RGS12: variants seen among roughly 807,000 people sequenced by gnomAD.
The protein encoded by RGS12 is regulator of G protein signaling 12, also known as regulator of G-protein signaling 12.
Under a neutral mutation model 120.1 loss-of-function variants are expected in RGS12, and 66 were observed. That is an observed-to-expected ratio of 0.55 (90% CI 0.45 to 0.67). The LOEUF is 0.67. RGS12 is among the 30% of genes least tolerant of loss of function. The pLI is 0.00. For synonymous variants in RGS12, 827 were observed against 804.7 expected (o/e 1.03, Z -0.47); for missense variants, 1,859 against 1,957.7 (o/e 0.95, Z 0.95).
chr4:3,300,026 G>T (rs1276771592), intron 1 of RGS12, among the ~76,000 whole-genome samples: 2 of 152,238 alleles, frequency 1.3e-5, no homozygotes, highest in African/African-American at 2.4e-5. Flanking sequence ...GCTGCAGTTT[G>T]TCTATAAAAT....
intron 4 of RGS12, among the ~76,000 whole-genome samples, chr4:3,411,448 G>A (rs1721723884): frequency 6.6e-6 from 1 of 152,268 alleles, no homozygotes; most frequent in African/African-American, 2.4e-5. Flanking sequence ...GTGTTCTCGT[G>A]TTAGGCTGGC....
Position 3,430,019 on chromosome 4 carries a change from G to A in RGS12, c.3566-388G>A, listed in dbSNP as rs950417818. Among the ~76,000 whole-genome samples the A allele has an allele frequency of 3.9e-5, 6 of 152,242 alleles. No individual in the cohort carries two copies. In the South Asian group the frequency reaches 8.3e-4, roughly 21 times the overall value. Reference sequence around the variant, plus strand: ...CGGGTGCTTCAGATGCTGACCAACCGGAGGAGGGGGCCAGTCCTCAGAGGG... The same window carrying A: ...CGGGTGCTTCAGATGCTGACCAACCAGAGGAGGGGGCCAGTCCTCAGAGGG... On this transcript the variant is annotated intron_variant, in intron 16 of 17. Transcript: ENST00000336727.
intron 2 of RGS12, chr4:3,342,618 C>T (rs1286144202): frequency 2.3e-6 from 3 of 1,314,178 alleles, no homozygotes; most frequent in Admixed American, 4.5e-5. Context: ...CACGTGATTT[C>T]ATTTGATCTG....
intron 1 of RGS12, among the ~76,000 whole-genome samples, chr4:3,305,527 A>T (rs1723925827): frequency 2.0e-5 from 3 of 152,144 alleles, no homozygotes. Context: ...TATTGACCTG[A>T]ACTAGAGAGA....
At chr4:3,291,828 C>G (rs2110338234), upstream of RGS12, among the ~76,000 whole-genome samples, 1 of 152,346 alleles carries the variant, frequency 6.6e-6, no homozygotes, top group South Asian at 2.1e-4. Flanking sequence ...CAATTCAGCA[C>G]CGCCCTGTGG....
intron 10 of RGS12, 92 bp from the exon 11 acceptor site, chr4:3,422,284 G>T: frequency 4.5e-6 from 6 of 1,336,090 alleles, no homozygotes; most frequent in Non-Finnish European, 5.1e-6. Flanking sequence ...TCCCCAGCAC[G>T]TGCGGCCTGG....
At chr4:3,381,715 C>T (rs918383419) in intron 3 of RGS12, among the ~76,000 whole-genome samples, 6 of 152,152 alleles carry the variant, frequency 3.9e-5, no homozygotes, top group Admixed American at 1.3e-4. Flanking sequence ...TCCCACAACA[C>T]GGGATTATTG....
At chr4:3,319,378 G>T (rs1725030395) in intron 2 of RGS12, among the ~76,000 whole-genome samples, 1 of 152,044 alleles carries the variant, frequency 6.6e-6, no homozygotes, top group Non-Finnish European at 1.5e-5. Context: ...TTTGATGTAT[G>T]TAAGCATAGA....
At chr4:3,343,360 C>T (rs1290071373) in intron 3 of RGS12, among the ~76,000 whole-genome samples, 1 of 152,192 alleles carries the variant, frequency 6.6e-6, no homozygotes, top group African/African-American at 2.4e-5. Context: ...CCTGTCATTG[C>T]CCCCTTAAAG....
At chr4:3,413,994 C>G in intron 4 of RGS12, 78 bp from the exon 5 acceptor site, 2 of 1,423,526 alleles carry the variant, frequency 1.4e-6, no homozygotes, top group Non-Finnish European at 1.9e-6. Flanking sequence ...GTCCCAGGGT[C>G]TCCTGTGGGC....
intron 3 of RGS12, among the ~76,000 whole-genome samples, chr4:3,345,006 T>C: frequency 6.6e-6 from 1 of 152,194 alleles, no homozygotes; most frequent in East Asian, 1.9e-4. Context: ...AAGAAAACGA[T>C]ATTTATTAAT....
At chr4:3,398,781 T>C (rs953988087) in intron 4 of RGS12, among the ~76,000 whole-genome samples, 2 of 150,168 alleles carry the variant, frequency 1.3e-5, no homozygotes, top group Admixed American at 6.6e-5. Context: ...AATGGAAAAA[T>C]GAGCAAATTA....
chr4:3,345,091 C>T (rs1421889805), intron 3 of RGS12, among the ~76,000 whole-genome samples: 1 of 152,104 alleles, frequency 6.6e-6, no homozygotes, highest in African/African-American at 2.4e-5. Context: ...TCAAGAAAGA[C>T]AGCAGTTTTT....
Position 3,316,576 on chromosome 4 carries a change from C to G in RGS12, c.406C>G (p.Arg136Gly). 1 of 1,614,096 alleles carries G rather than the reference C, an allele frequency of 6.2e-7. No homozygotes were observed. Among genetic ancestry groups the G allele is most frequent in the Non-Finnish European group, 8.5e-7 (1 of 1,180,028 alleles). ...SKALGINRAE[R>G]VVEEMQSGGI... The stretch of plus-strand genomic sequence containing the variant: ...AGCACTAGGTATAAACAGAGCAGAG[C>G]GAGTCGTGGAGGAAATGCAGTCTGG... Residue 136 changes from arginine to glycine, a missense_variant, in exon 2 of 18, where the codon CGA (arginine) becomes GGA (glycine). By Grantham distance (125) the Arg-to-Gly change is moderately radical (BLOSUM62 -2). This residue lies in a region of RGS12 where 967 missense variants were observed against 994.2 expected (regional missense o/e 0.97). Coordinates refer to ENST00000336727, the MANE Select transcript of RGS12 (RefSeq NM_001394154.1).
intron 1 of RGS12, among the ~76,000 whole-genome samples, chr4:3,305,144 C>T (rs901363364): frequency 6.6e-6 from 1 of 152,268 alleles, no homozygotes; most frequent in African/African-American, 2.4e-5. Context: ...CAGGCAGTGA[C>T]TTCCCTGAGA....
rs1253301059 is a variant in RGS12, at chr4:3,342,356, C to T, written c.1882-581C>T. On this transcript the variant is annotated intron_variant, in intron 2 of 17. Coordinates refer to ENST00000336727, the MANE Select transcript of RGS12 (RefSeq NM_001394154.1). ...TGATGGGCACAACATAGATGTTTGT[C>T]GAATTGAATTAATTCTGGTCATTTC... is the stretch of plus-strand genomic sequence containing the variant. 8.5e-6 allele frequency: 10 copies of T among 1,178,426 alleles called. No homozygotes were observed. The South Asian group carries it at 9.4e-5, about 11-fold the overall frequency. The allele number at this position is 1,178,426 out of a possible 1,614,324, so 73.0% of individuals were successfully genotyped here.
chr4:3,431,615 C>T (rs566242102), intron 17 of RGS12: 13 of 985,582 alleles, frequency 1.3e-5, no homozygotes, highest in South Asian at 4.7e-5. Flanking sequence ...GGGATGTTTC[C>T]GTGAGCCACA....
At chr4:3,422,086 C>A (rs1723078635) in intron 10 of RGS12, among the ~76,000 whole-genome samples, 1 of 152,186 alleles carries the variant, frequency 6.6e-6, no homozygotes, top group African/African-American at 2.4e-5. Flanking sequence ...CGCAGGACAG[C>A]CCTGCTTCTG....
intron 3 of RGS12, among the ~76,000 whole-genome samples, chr4:3,356,656 T>C (rs537788647): frequency 6.6e-6 from 1 of 152,250 alleles, no homozygotes; most frequent in Non-Finnish European, 1.5e-5. Flanking sequence ...ATTTGTCTTT[T>C]TGTAACTGGC....
Sources: allele counts gnomAD v4.1 joint callset (sites outside exome capture counted in the v4.1 genomes callset), GRCh38; gene constraint gnomAD v4.1.1; regional missense constraint gnomAD v4.1.1; transcripts MANE v1.5; gene names NCBI Gene and HGNC (gene_info 2026-07-23, HGNC 2026-07-21).